RASSF6: variants seen among roughly 807,000 people sequenced by gnomAD.
The protein encoded by RASSF6 is Ras association domain family member 6, also known as ras association domain-containing protein 6.
In RASSF6, 52 loss-of-function variants were observed where a neutral mutation model predicts 44.0. The observed-to-expected ratio is 1.18, with a 90% CI of 0.95 to 1.49. The LOEUF is 1.49. Ranked by LOEUF, RASSF6 falls within the 40% of genes most tolerant of loss-of-function variation. The pLI is 0.00. For synonymous variants in RASSF6, 162 were observed against 124.6 expected (o/e 1.30, Z -2.00); for missense variants, 464 against 393.3 (o/e 1.18, Z -1.52).
At chr4:73,603,416 C>T (rs1725412114) in intron 2 of RASSF6, among the ~76,000 whole-genome samples, 1 of 151,982 alleles carries the variant, frequency 6.6e-6, no homozygotes, top group Non-Finnish European at 1.5e-5. Flanking sequence ...CGATGAATAC[C>T]CAGGATTCTT....
At chr4:73,611,605 A>C (rs1251063186) in intron 2 of RASSF6, 126 bp downstream of exon 2, 7 of 515,544 alleles carry the variant, frequency 1.4e-5, no homozygotes, top group Middle Eastern at 2.9e-4. Flanking sequence ...CTTCTTATCT[A>C]GTATCTCTAC....
chr4:73,574,965 C>G lies in RASSF6; in HGVS notation c.*1270G>C, dbSNP rs541415679. On this transcript the variant is annotated 3_prime_UTR_variant, in exon 11 of 11. Transcript: ENST00000307439. ...ATTGACAGGTGAAAGAATAGCGATG[C>G]AAGCCTCTGGTTTACTCAGTAAGAG... 1 of 152,260 alleles carries G rather than the reference C, an allele frequency of 6.6e-6. No homozygotes were observed. Among genetic ancestry groups the G allele is most frequent in the South Asian group, 2.1e-4 (1 of 4,832 alleles). 9.4% of individuals were successfully genotyped at this position (152,260 alleles called of 1,614,324 possible).
Position 73,598,445 on chromosome 4 carries a change from AAT to A in RASSF6, c.144+193_144+194del, listed in dbSNP as rs545465770. Among the ~76,000 whole-genome samples, 276 of 152,344 alleles carry A rather than the reference AAT, an allele frequency of 1.8e-3. 2 individuals carry two copies. Among genetic ancestry groups the A allele is most frequent in the African/African-American group, 6.1e-3 (252 of 41,584 alleles). ...TATTCTATTTTTAAAATAGAAAGAA[AAT>A]ATGTCATTAAAATTTTTAAATGCTT... is the stretch of plus-strand genomic sequence containing the variant. On this transcript the variant is annotated intron_variant, in intron 3 of 10. Coordinates refer to ENST00000307439, the MANE Select transcript of RASSF6 (RefSeq NM_177532.5).
At chr4:73,611,163 C>G (rs1303402055) in intron 2 of RASSF6, among the ~76,000 whole-genome samples, 1 of 152,140 alleles carries the variant, frequency 6.6e-6, no homozygotes, top group African/African-American at 2.4e-5. Context: ...TTCATCTCCT[C>G]TCAGCCCCCA....
chr4:73,579,508 A>C (rs1322148368), intron 8 of RASSF6, among the ~76,000 whole-genome samples: 3 of 152,182 alleles, frequency 2.0e-5, no homozygotes, highest in Non-Finnish European at 2.9e-5. Context: ...GTGTGGCTTG[A>C]GCTTGCATTT....
At chr4:73,582,105 A>T in intron 7 of RASSF6, 84 bp downstream of exon 7, 2 of 731,310 alleles carry the variant, frequency 2.7e-6, no homozygotes, top group Non-Finnish European at 4.5e-6. Context: ...ACCTTTATAG[A>T]TCTGTTTCAG....
chr4:73,612,479 C>CTTTTCTTT lies in RASSF6; in HGVS notation c.-34-651_-34-650insAAAGAAAA, dbSNP rs1553905959. 9.2e-3 allele frequency among the ~76,000 whole-genome samples: 630 copies of CTTTTCTTT among 68,254 alleles called. 12 individuals carry two copies. Among genetic ancestry groups the CTTTTCTTT allele is most frequent in the African/African-American group, 0.032 (590 of 18,244 alleles). The allele number at this position is 68,254 out of a possible 152,430, so 44.8% of individuals were successfully genotyped here. A position where few individuals can be genotyped will look rare whatever the true frequency, so the allele number is the denominator to read the frequency against. On this transcript the variant is annotated intron_variant, in intron 1 of 10. Transcript: ENST00000307439. ...AAGATGGATGAGAGAGTTCAGTTTT[C>CTTTTCTTT]TTTTTTTTTTTTTTTTAAAAAAAAA...
chr4:73,581,790 G>A (rs748796709), intron 8 of RASSF6, 27 bp downstream of exon 8: 30 of 1,532,864 alleles, frequency 2.0e-5, no homozygotes, highest in Non-Finnish European at 2.5e-5. Context: ...CTAGAGTCAG[G>A]TAAAAAGTGT....
intron 8 of RASSF6, among the ~76,000 whole-genome samples, chr4:73,580,626 A>G (rs1410893788): frequency 6.7e-6 from 1 of 148,908 alleles, no homozygotes; most frequent in Middle Eastern, 3.5e-3. Flanking sequence ...ATGGCCAGTG[A>G]TGGTGAGCAT....
chr4:73,589,321 A>G (rs1026249179), intron 4 of RASSF6, among the ~76,000 whole-genome samples: 1 of 152,100 alleles, frequency 6.6e-6, no homozygotes, highest in African/African-American at 2.4e-5. Flanking sequence ...AAAATTACCC[A>G]TTTCCCCAAA....
chr4:73,588,000 G>T, intron 4 of RASSF6, 66 bp from the exon 5 acceptor site: 3 of 1,039,192 alleles, frequency 2.9e-6, no homozygotes, highest in Non-Finnish European at 4.5e-6. Flanking sequence ...ATGGTTTCCA[G>T]ATTTACAATA....
At chr4:73,615,817 C>T in intron 1 of RASSF6, 1 of 1,251,220 alleles carries the variant, frequency 8.0e-7, no homozygotes, top group East Asian at 2.5e-5. Flanking sequence ...CATTAGCGTT[C>T]CAGCAATGCT....
intron 2 of RASSF6, among the ~76,000 whole-genome samples, chr4:73,605,228 TA>T (rs1303575204): frequency 6.6e-6 from 1 of 152,254 alleles, no homozygotes. Flanking sequence ...ACTTTCATGA[TA>T]TTTTTTAGGT....
At position 73,572,685 on chromosome 4, in the gene RASSF6, G is replaced by A. The variant is rs1007801129; in HGVS notation, c.*3550C>T. On this transcript the variant is annotated 3_prime_UTR_variant, in exon 11 of 11. Coordinates refer to ENST00000307439, the MANE Select transcript of RASSF6 (RefSeq NM_177532.5). ...ATGTTAATGTCTCATTTGAATAATT[G>A]ATTTGAAATTTTTTGCATTTGGTAG... 3 of 152,174 alleles carry A rather than the reference G, an allele frequency of 2.0e-5. No homozygotes were observed. Among genetic ancestry groups the A allele is most frequent in the African/African-American group, 7.2e-5 (3 of 41,452 alleles). 9.4% of individuals were successfully genotyped at this position (152,174 alleles called of 1,614,324 possible).
At position 73,576,613 on chromosome 4, in the gene RASSF6, A is replaced by G. The variant is rs778059763; in HGVS notation, c.840T>C (p.Asp280=). The change falls in exon 9 of 11, where the codon GAT becomes GAC. Residue 280 remains aspartate (D), a splice_region_variant and synonymous_variant. Transcript: ENST00000307439. The stretch of plus-strand genomic sequence containing the variant: ...AGATTCAGGGTGATGGTATTCATAC[A>G]TCACTGCTAATTTCTTCTGCATCTT... The part of the protein sequence containing the change: ...MDKDAEEISS[D]VAQYINFHFS... 1.2e-6 allele frequency: 2 copies of G among 1,608,100 alleles called. No individual in the cohort carries two copies. Among genetic ancestry groups the G allele is most frequent in the South Asian group, 2.2e-5 (2 of 90,876 alleles).
intron 4 of RASSF6, among the ~76,000 whole-genome samples, chr4:73,592,622 G>A (rs1237970950): frequency 3.3e-5 from 5 of 152,224 alleles, no homozygotes; most frequent in Middle Eastern, 6.8e-3. Context: ...CCCACACAAG[G>A]GACTGTTTTG....
At chr4:73,606,706 T>C (rs1016359200) in intron 2 of RASSF6, among the ~76,000 whole-genome samples, 1 of 151,948 alleles carries the variant, frequency 6.6e-6, no homozygotes, top group African/African-American at 2.4e-5. Context: ...GTAAGCATTA[T>C]GGGAGCAGAT....
chr4:73,611,882 A>G, intron 1 of RASSF6, 53 bp from the exon 2 acceptor site: 2 of 1,255,500 alleles, frequency 1.6e-6, no homozygotes, highest in Non-Finnish European at 2.3e-6. Flanking sequence ...TTAAAAAATT[A>G]GTTTCTGATT....
intron 2 of RASSF6, among the ~76,000 whole-genome samples, chr4:73,602,500 T>G (rs181734023): frequency 6.6e-6 from 1 of 152,372 alleles, no homozygotes; most frequent in East Asian, 1.9e-4. Flanking sequence ...AAGTGTTATC[T>G]GGGCAGTCCC....
Sources: gnomAD v4.1 joint callset for allele counts (sites outside exome capture counted in the v4.1 genomes callset) on GRCh38, gnomAD v4.1.1 for gene constraint, MANE v1.5 for transcripts, NCBI Gene and HGNC (gene_info 2026-07-23, HGNC 2026-07-21) for gene names.